The following CCDC148 variants were observed in gnomAD, a reference collection of about 807,000 sequenced individuals.
The protein encoded by CCDC148 is coiled-coil domain containing 148.
Under a neutral mutation model 85.7 loss-of-function variants are expected in CCDC148, and 89 were observed. The ratio of observed to expected loss-of-function variants is 1.04; its 90% CI spans 0.87 to 1.24. CCDC148 has a LOEUF of 1.24. Among genes scored for constraint, CCDC148 ranks in the 50% most tolerant of loss-of-function variants. The pLI is 0.00. For synonymous variants in CCDC148, 230 were observed against 213.9 expected (o/e 1.08, Z -0.66); for missense variants, 692 against 671.7 (o/e 1.03, Z -0.33).
chr2:158,231,686 A>G (rs1009419540), intron 10 of CCDC148, among the ~76,000 whole-genome samples: 4 of 152,128 alleles, frequency 2.6e-5, no homozygotes, highest in Non-Finnish European at 5.9e-5. Flanking sequence ...TGCATTGTTT[A>G]TCTTTGTATC....
At chr2:158,451,195 C>G (rs906885341) in intron 1 of CCDC148, among the ~76,000 whole-genome samples, 2 of 146,670 alleles carry the variant, frequency 1.4e-5, no homozygotes, top group Non-Finnish European at 3.1e-5. Context: ...GTCATTTCAT[C>G]TTTAAGTTTT....
chr2:158,276,198 A>G (rs1689933739), intron 9 of CCDC148, among the ~76,000 whole-genome samples: 1 of 152,148 alleles, frequency 6.6e-6, no homozygotes, highest in Admixed American at 6.5e-5. Flanking sequence ...TGGGAGGCAG[A>G]GGCGAGTGGA....
intron 1 of CCDC148, among the ~76,000 whole-genome samples, chr2:158,424,340 G>A (rs1686965572): frequency 2.0e-5 from 3 of 152,154 alleles, no homozygotes; most frequent in African/African-American, 7.2e-5. Context: ...ATGATAGACT[G>A]GATTAAGAAA....
At chr2:158,341,182 AT>A (rs1423181158) in intron 3 of CCDC148, among the ~76,000 whole-genome samples, 6 of 152,138 alleles carry the variant, frequency 3.9e-5, no homozygotes, top group African/African-American at 1.4e-4. Flanking sequence ...ACAAATCTTC[AT>A]GAGCTTATAT....
At chr2:158,269,591 G>C (rs556771995) in intron 9 of CCDC148, among the ~76,000 whole-genome samples, 35 of 152,274 alleles carry the variant, frequency 2.3e-4, no homozygotes, top group African/African-American at 8.4e-4. Context: ...AAGCTGATGA[G>C]TACATGTTTC....
At chr2:158,194,040 T>G (rs1212072620) in intron 11 of CCDC148, among the ~76,000 whole-genome samples, 1 of 151,936 alleles carries the variant, frequency 6.6e-6, no homozygotes, top group East Asian at 1.9e-4. Flanking sequence ...TTAAAAAAAT[T>G]TACAGTTTAA....
At chr2:158,342,204 A>G (rs1409104347) in intron 3 of CCDC148, among the ~76,000 whole-genome samples, 2 of 150,734 alleles carry the variant, frequency 1.3e-5, no homozygotes, top group South Asian at 4.2e-4. Flanking sequence ...TAATTTTTGT[A>G]TTTTTAGCAG....
intron 1 of CCDC148, among the ~76,000 whole-genome samples, chr2:158,434,599 C>A (rs1265094127): frequency 6.6e-6 from 1 of 152,176 alleles, no homozygotes; most frequent in Non-Finnish European, 1.5e-5. Context: ...TCACCAGCAA[C>A]AGAACAAAGC....
chr2:158,345,219 C>G lies in CCDC148; in HGVS notation c.247G>C (p.Val83Leu). Residue 83 changes from valine (V) to leucine (L), a missense_variant, in exon 3 of 14, where the codon GTC (valine) becomes CTC (leucine). Physicochemically the swap from Val to Leu is conservative, Grantham distance 32. Transcript: ENST00000283233. ...WWQEYQRLNE[V>L]RCKMESEIKS... ...ACTATGTCCCCCAGTTCTTACCTGACTTCATTCAGCCTCTGGTATTCCTGC... is the reference window on the plus strand; with the variant it reads ...ACTATGTCCCCCAGTTCTTACCTGAGTTCATTCAGCCTCTGGTATTCCTGC... 6.2e-7 allele frequency: 1 copy of G among 1,612,188 alleles called. No individual in the cohort carries two copies. The highest frequency in any genetic ancestry group is 2.2e-5 in the East Asian group (1 of 44,742).
chr2:158,221,938 A>C (rs1687205949), intron 10 of CCDC148, among the ~76,000 whole-genome samples: 1 of 152,114 alleles, frequency 6.6e-6, no homozygotes, highest in East Asian at 1.9e-4. Context: ...ATTGACAAGG[A>C]GTGTTCTAGA....
intron 1 of CCDC148, among the ~76,000 whole-genome samples, chr2:158,397,053 G>T (rs1334708871): frequency 6.6e-6 from 1 of 152,040 alleles, no homozygotes; most frequent in Non-Finnish European, 1.5e-5. Context: ...GGTGCAAAAT[G>T]AAGTGAGAGC....
Position 158,406,627 on chromosome 2 carries a change from T to TTTTTTTTGTTTTTTTTTTTG in CCDC148, c.26-48058_26-48057insCAAAAAAAAAAACAAAAAAA, listed in dbSNP as rs1559124638. On this transcript the variant is annotated intron_variant, in intron 1 of 13. Coordinates refer to ENST00000283233, the MANE Select transcript of CCDC148 (RefSeq NM_138803.4). ...AGATTAAATTTCTTTTTTTTTTTTT[T>TTTTTTTTGTTTTTTTTTTTG]TTTTTTTTTTTTTGAGACAGTGTCT... 1.5e-4 allele frequency among the ~76,000 whole-genome samples: 20 copies of TTTTTTTTGTTTTTTTTTTTG among 135,748 alleles called. 1 individual carries two copies. Among genetic ancestry groups the TTTTTTTTGTTTTTTTTTTTG allele is most frequent in the Admixed American group, 6.6e-4 (9 of 13,632 alleles). The allele number at this position is 135,748 out of a possible 152,430, so 89.1% of individuals were successfully genotyped here. A position where few individuals can be genotyped will look rare whatever the true frequency, so the allele number is the denominator to read the frequency against.
At chr2:158,372,616 C>A (rs1684493109) in intron 1 of CCDC148, among the ~76,000 whole-genome samples, 1 of 152,000 alleles carries the variant, frequency 6.6e-6, no homozygotes, top group African/African-American at 2.4e-5. Context: ...CGCCTAACCT[C>A]TCTGACAGCT....
At chr2:158,364,893 A>C (rs1254740249) in intron 1 of CCDC148, among the ~76,000 whole-genome samples, 1 of 152,224 alleles carries the variant, frequency 6.6e-6, no homozygotes, top group African/African-American at 2.4e-5. Flanking sequence ...GAATGGGAAA[A>C]AAATTTTGCA....
chr2:158,442,758 T>C (rs755295423), intron 1 of CCDC148, among the ~76,000 whole-genome samples: 4 of 152,234 alleles, frequency 2.6e-5, no homozygotes, highest in African/African-American at 2.4e-5. Context: ...TGAGAGTCAA[T>C]AGCAATTACT....
chr2:158,223,889 T>C (rs1687341096), intron 10 of CCDC148, among the ~76,000 whole-genome samples: 1 of 152,124 alleles, frequency 6.6e-6, no homozygotes, highest in Admixed American at 6.5e-5. Flanking sequence ...GCAGAAAAAC[T>C]GGAAACTCTA....
At chr2:158,252,187 G>T (rs1453365528) in intron 9 of CCDC148, among the ~76,000 whole-genome samples, 2 of 151,662 alleles carry the variant, frequency 1.3e-5, no homozygotes, top group African/African-American at 4.8e-5. Context: ...TAAATAAAAT[G>T]TCAAACAAAT....
At chr2:158,447,564 A>C (rs1174090625) in intron 1 of CCDC148, 1 of 152,236 alleles carries the variant, frequency 6.6e-6, no homozygotes, top group Admixed American at 6.5e-5. Flanking sequence ...CATCTTTGTC[A>C]TCACTGTGTA....
chr2:158,312,741 G>C (rs1298035519), intron 8 of CCDC148, among the ~76,000 whole-genome samples: 2 of 152,054 alleles, frequency 1.3e-5, no homozygotes, highest in Non-Finnish European at 2.9e-5. Context: ...TTTAATAAAT[G>C]AAAGTTATTT....
Sources: allele counts gnomAD v4.1 joint callset (sites outside exome capture counted in the v4.1 genomes callset), GRCh38; gene constraint gnomAD v4.1.1; transcripts MANE v1.5; gene names NCBI Gene and HGNC (gene_info 2026-07-23, HGNC 2026-07-21).